WDFY3: variants seen among roughly 807,000 people sequenced by gnomAD.
WDFY3 encodes the protein WD repeat and FYVE domain containing 3.
A neutral mutation model predicts 409.6 loss-of-function variants in WDFY3; 66 were observed. That is an observed-to-expected ratio of 0.16 (90% CI 0.13 to 0.20). The LOEUF is 0.20. Among genes scored for constraint, WDFY3 ranks in the 10% least tolerant of loss-of-function variants. The pLI is 1.00. For missense variants in WDFY3, 3,031 were observed against 4,298.1 expected (o/e 0.71, Z 8.24); for synonymous variants, 1,521 against 1,537.1 (o/e 0.99, Z 0.25).
chr4:84,724,703 T>C (rs975089673), intron 45 of WDFY3, 109 bp from the exon 46 acceptor site: 2 of 1,228,606 alleles, frequency 1.6e-6, no homozygotes, highest in Non-Finnish European at 2.2e-6. Context: ...TTAAAGGGGC[T>C]TTTCATAGAC....
intron 1 of WDFY3, among the ~76,000 whole-genome samples, chr4:84,940,616 TC>T (rs1295103161): frequency 1.3e-5 from 2 of 152,132 alleles, no homozygotes; most frequent in Admixed American, 6.6e-5. Flanking sequence ...CACTATATAT[TC>T]TTGTTTATAC....
At chr4:84,729,376 ATTTGT>A (rs1372106850) in intron 44 of WDFY3, among the ~76,000 whole-genome samples, 2 of 151,996 alleles carry the variant, frequency 1.3e-5, no homozygotes, top group Non-Finnish European at 2.9e-5. Context: ...AGTATAATTC[ATTTGT>A]TTTAATTATG....
At chr4:84,753,508 G>A (rs1740897094) in intron 35 of WDFY3, among the ~76,000 whole-genome samples, 189 bp downstream of exon 35, 1 of 152,154 alleles carries the variant, frequency 6.6e-6, no homozygotes, top group African/African-American at 2.4e-5. Context: ...TTAGGAGAAA[G>A]CAGAAGGAAA....
intron 1 of WDFY3, among the ~76,000 whole-genome samples, chr4:84,934,381 T>C (rs1428422993): frequency 6.6e-6 from 1 of 152,178 alleles, no homozygotes; most frequent in Non-Finnish European, 1.5e-5. Flanking sequence ...TAAGGAAAAG[T>C]ACTCTTTAAA....
At chr4:84,716,755 T>A in intron 49 of WDFY3, 141 bp downstream of exon 49, 1 of 599,026 alleles carries the variant, frequency 1.7e-6, no homozygotes, top group Non-Finnish European at 2.2e-6. Context: ...GCTGAGATCA[T>A]GCCACTGCAC....
At chr4:84,759,416 T>C (rs1187713216) in intron 32 of WDFY3, among the ~76,000 whole-genome samples, 1 of 152,306 alleles carries the variant, frequency 6.6e-6, no homozygotes, top group African/African-American at 2.4e-5. Context: ...TTTCATGATA[T>C]TGATTCTTCC....
chr4:84,685,964 C>A (rs1217727718), intron 62 of WDFY3, among the ~76,000 whole-genome samples: 1 of 152,112 alleles, frequency 6.6e-6, no homozygotes, highest in Admixed American at 6.5e-5. Context: ...TCTACAGCAC[C>A]CACATTTTTG....
intron 3 of WDFY3, among the ~76,000 whole-genome samples, chr4:84,877,125 CTCTT>C (rs1483091261): frequency 1.3e-5 from 2 of 152,236 alleles, no homozygotes; most frequent in East Asian, 3.9e-4. Flanking sequence ...AATTTTAAGG[CTCTT>C]TATTATCTAG....
intron 22 of WDFY3, among the ~76,000 whole-genome samples, chr4:84,788,950 G>A (rs931279338): frequency 8.5e-5 from 13 of 152,166 alleles, no homozygotes; most frequent in Non-Finnish European, 1.2e-4. Context: ...TACCCAGGAG[G>A]TGGAGGTTGC....
intron 44 of WDFY3, among the ~76,000 whole-genome samples, chr4:84,728,796 T>TATACCA (rs1736094209): frequency 1.3e-5 from 2 of 152,190 alleles, no homozygotes; most frequent in South Asian, 4.1e-4. Flanking sequence ...GTAAATATGT[T>TATACCA]ATACCAATAA....
chr4:84,710,413 C>T (rs1732690593), intron 51 of WDFY3, among the ~76,000 whole-genome samples: 1 of 152,182 alleles, frequency 6.6e-6, no homozygotes, highest in East Asian at 1.9e-4. Context: ...TTATAAAATC[C>T]TATTTAAGGT....
At chr4:84,929,584 G>A (rs115176989) in intron 2 of WDFY3, among the ~76,000 whole-genome samples, 1 of 151,952 alleles carries the variant, frequency 6.6e-6, no homozygotes, top group South Asian at 2.1e-4. Flanking sequence ...ATCAGGGTGG[G>A]CTCTAATCCA....
chr4:84,925,564 C>T (rs924496577), intron 2 of WDFY3, among the ~76,000 whole-genome samples: 1 of 152,080 alleles, frequency 6.6e-6, no homozygotes, highest in African/African-American at 2.4e-5. Flanking sequence ...ATAAACAGCA[C>T]ATAAGCAAAT....
chr4:84,897,059 T>C (rs1166511945), intron 2 of WDFY3, 49 bp from the exon 3 acceptor site: 1 of 152,218 alleles, frequency 6.6e-6, no homozygotes, highest in Non-Finnish European at 1.5e-5. Context: ...ATTCAGAATA[T>C]TTTCCTCAAC....
chr4:84,876,468 A>C (rs1762799926), intron 3 of WDFY3, among the ~76,000 whole-genome samples: 1 of 152,222 alleles, frequency 6.6e-6, no homozygotes, highest in African/African-American at 2.4e-5. Flanking sequence ...TATTTGTAGA[A>C]ATTAGGTAAT....
At chr4:84,807,234 A>G (rs1013851115) in intron 15 of WDFY3, among the ~76,000 whole-genome samples, 1 of 152,156 alleles carries the variant, frequency 6.6e-6, no homozygotes, top group Non-Finnish European at 1.5e-5. Context: ...TTGAATTAGG[A>G]ACAGCTTTTT....
chr4:84,716,660 G>A (rs776485573), intron 49 of WDFY3, among the ~76,000 whole-genome samples: 54 of 151,434 alleles, frequency 3.6e-4, no homozygotes, highest in Admixed American at 7.2e-4. Context: ...TTAGCCTGGC[G>A]TGGTGGCGGG....
Position 84,820,186 on chromosome 4 carries a change from C to G in WDFY3, c.1592G>C (p.Gly531Ala), listed in dbSNP as rs1753854842. The G allele has an allele frequency of 6.3e-7, 1 of 1,599,052 alleles. No homozygotes were observed. The highest frequency in any genetic ancestry group is 8.5e-7 in the Non-Finnish European group (1 of 1,173,366). ...KDPTQALNEQ[G>A]DSRNNSSVED... Reference sequence around the variant, plus strand: ...AACTGAACTATTATTTCTTGAGTCCCCTAAAAAAAGGTTCAAAGGTCCAAA... The same window carrying G: ...AACTGAACTATTATTTCTTGAGTCCGCTAAAAAAAGGTTCAAAGGTCCAAA... The change falls in exon 12 of 68, where the codon GGG (glycine) becomes GCG (alanine). Residue 531 changes from glycine to alanine, a missense_variant and splice_region_variant. Coordinates refer to ENST00000295888, the MANE Select transcript of WDFY3 (RefSeq NM_014991.6).
chr4:84,805,344 A>G (rs1161870062), intron 15 of WDFY3, among the ~76,000 whole-genome samples: 3 of 152,214 alleles, frequency 2.0e-5, no homozygotes, highest in African/African-American at 7.2e-5. Context: ...CTTATATAAG[A>G]AAGCAATATT....
Sources: gnomAD v4.1 joint callset for allele counts (sites outside exome capture counted in the v4.1 genomes callset) on GRCh38, gnomAD v4.1.1 for gene constraint, MANE v1.5 for transcripts, NCBI Gene and HGNC (gene_info 2026-07-23, HGNC 2026-07-21) for gene names.